KIF1B: variants seen among roughly 807,000 people sequenced by gnomAD.
KIF1B encodes kinesin-like protein KIF1B.
A neutral mutation model predicts 241.9 loss-of-function variants in KIF1B; 76 were observed. That is an observed-to-expected ratio of 0.31 (90% CI 0.26 to 0.38). The LOEUF (loss-of-function observed/expected upper bound fraction) is 0.38. Among genes scored for constraint, KIF1B ranks in the 10% least tolerant of loss-of-function variants. The pLI, the probability that KIF1B is intolerant of heterozygous loss-of-function variation, is 1.00. For missense variants in KIF1B, 1,622 were observed against 2,271.4 expected (o/e 0.71, Z 5.81); for synonymous variants, 750 against 796.7 (o/e 0.94, Z 0.99).
chr1:10,378,309 A>G lies in KIF1B; in HGVS notation c.*1722A>G, dbSNP rs1054248038. ...TGCCCAGGGAGAAAGGAGGAAGCTC[A>G]CTGTGGACAGTCTTCTTTCCTTCTG... On this transcript the variant is annotated 3_prime_UTR_variant, in exon 49 of 49. Coordinates refer to ENST00000676179, the MANE Select transcript of KIF1B (RefSeq NM_001365951.3). 2.8e-6 allele frequency: 2 copies of G among 717,812 alleles called. No homozygotes were observed. Among genetic ancestry groups the G allele is most frequent in the African/African-American group, 1.7e-5 (1 of 57,362 alleles). The allele number at this position is 717,812 out of a possible 1,614,324, so 44.5% of individuals were successfully genotyped here.
At chr1:10,220,204 C>CAAA (rs36083785) in intron 1 of KIF1B, among the ~76,000 whole-genome samples, 7 of 105,774 alleles carry the variant, frequency 6.6e-5, no homozygotes, top group Admixed American at 1.0e-4. Flanking sequence ...AACTCCGTCT[C>CAAA]AAAAAAAAAA....
At chr1:10,336,870 T>C (rs1652199691) in intron 29 of KIF1B, 128 bp downstream of exon 29, 3 of 1,079,276 alleles carry the variant, frequency 2.8e-6, no homozygotes, top group Non-Finnish European at 4.3e-6. Flanking sequence ...CAATAGAATA[T>C]GGGACATGTC....
chr1:10,375,169 G>T, intron 47 of KIF1B, 86 bp from the exon 48 acceptor site: 1 of 1,460,886 alleles, frequency 6.8e-7, no homozygotes, highest in Non-Finnish European at 9.6e-7. Flanking sequence ...CCTTTGTGAA[G>T]TGCTATATGC....
chr1:10,366,186 G>A (rs989746847), intron 43 of KIF1B, among the ~76,000 whole-genome samples: 1 of 152,072 alleles, frequency 6.6e-6, no homozygotes. Context: ...AGCCGAGATA[G>A]CTCCACTGTG....
rs762154750 is a variant in KIF1B, at chr1:10,303,830, T to G, written c.2115+6584T>G. ...GCAAAGGAGCCTGTTGGTGCTGGTG[T>G]TAGTAGCACCTCTGAGAATAATGTA... On this transcript the variant is annotated intron_variant, in intron 22 of 48. Coordinates refer to ENST00000676179, the MANE Select transcript of KIF1B (RefSeq NM_001365951.3). The surrounding 1 kb of genome is among the most constrained non-coding windows in gnomAD (Gnocchi z 5.2). The G allele has an allele frequency of 6.2e-7, 1 of 1,613,976 alleles. No homozygotes were observed. Among genetic ancestry groups the G allele is most frequent in the African/African-American group, 1.3e-5 (1 of 74,892 alleles).
chr1:10,309,972 C>A (rs961772280), intron 22 of KIF1B, among the ~76,000 whole-genome samples: 4 of 151,420 alleles, frequency 2.6e-5, no homozygotes, highest in African/African-American at 9.8e-5. Context: ...GAGCCCATTT[C>A]CATCATGCTT....
intron 27 of KIF1B, among the ~76,000 whole-genome samples, chr1:10,329,364 A>G (rs1651836059): frequency 2.0e-5 from 3 of 152,184 alleles, no homozygotes; most frequent in African/African-American, 7.2e-5. Flanking sequence ...GAAAGTAACT[A>G]CTTTCCTGTT....
chr1:10,226,397 T>C (rs1646909019), intron 1 of KIF1B, among the ~76,000 whole-genome samples: 4 of 152,278 alleles, frequency 2.6e-5, no homozygotes, highest in Admixed American at 2.0e-4. Flanking sequence ...ATTAGAGATG[T>C]TAATGTTTTG....
chr1:10,275,521 G>A lies in KIF1B; in HGVS notation c.958+18G>A, dbSNP rs1649052599. On this transcript the variant is annotated intron_variant, in intron 11 of 48. Transcript: ENST00000676179. ...AAATTTAGGTATGTTGACCACTAGT[G>A]AAAAGTAGTTATCTTTTTAACTTTG... 2 of 1,323,494 alleles carry A rather than the reference G, an allele frequency of 1.5e-6. No homozygotes were observed. The highest frequency in any genetic ancestry group is 2.2e-6 in the Non-Finnish European group (2 of 915,186). 82.0% of individuals were successfully genotyped at this position (1,323,494 alleles called of 1,614,324 possible).
chr1:10,348,763 A>C, intron 37 of KIF1B, 30 bp downstream of exon 37: 1 of 1,562,096 alleles, frequency 6.4e-7, no homozygotes, highest in Non-Finnish European at 8.8e-7. Flanking sequence ...CAAGGATAGA[A>C]CCAGGACTTA....
At chr1:10,342,222 C>T (rs1335282844) in intron 33 of KIF1B, 54 bp downstream of exon 33, 5 of 1,095,902 alleles carry the variant, frequency 4.6e-6, no homozygotes, top group Non-Finnish European at 7.1e-6. Flanking sequence ...TTTTTAGTTT[C>T]TCAATTGCTG....
intron 28 of KIF1B, among the ~76,000 whole-genome samples, chr1:10,336,232 T>A (rs1652170810): frequency 1.3e-5 from 2 of 152,204 alleles, no homozygotes; most frequent in African/African-American, 4.8e-5. Context: ...CACTGCAACC[T>A]CCGCCTCCCG....
chr1:10,320,262 TGAGCCAGTTTACA>T (rs1378078793), intron 23 of KIF1B, 126 bp downstream of exon 23: 18 of 663,916 alleles, frequency 2.7e-5, no homozygotes, highest in Admixed American at 8.3e-5. Flanking sequence ...GACATTTTAC[TGAGCCAGTTTACA>T]GATGATTGAA....
Position 10,379,410 on chromosome 1 carries a change from C to T in KIF1B, c.*2823C>T. 1 of 231,536 alleles carries T rather than the reference C, an allele frequency of 4.3e-6. No homozygotes were observed. The highest frequency in any genetic ancestry group is 8.6e-6 in the Non-Finnish European group (1 of 116,710). The allele number at this position is 231,536 out of a possible 1,614,324, so 14.3% of individuals were successfully genotyped here. On this transcript the variant is annotated 3_prime_UTR_variant, in exon 49 of 49. Transcript: ENST00000676179. ...CGTGCTCTTCACCCTCTGGGGCGCC[C>T]CTGCTGCGGCTGGCAGGTGCAGACA...
intron 1 of KIF1B, among the ~76,000 whole-genome samples, chr1:10,212,884 GTGTGTGTA>G (rs1646711636): frequency 1.4e-5 from 1 of 72,310 alleles, no homozygotes; most frequent in African/African-American, 5.6e-5. Context: ...GTGTGCATGC[GTGTGTGTA>G]TATATATATA....
intron 40 of KIF1B, among the ~76,000 whole-genome samples, chr1:10,362,456 A>G (rs186073891): frequency 1.3e-5 from 2 of 151,836 alleles, no homozygotes; most frequent in African/African-American, 4.8e-5. Flanking sequence ...AGCCTGGGTG[A>G]AACAGTGAGA....
At chr1:10,212,681 C>A (rs976287184) in intron 1 of KIF1B, among the ~76,000 whole-genome samples, 2 of 151,652 alleles carry the variant, frequency 1.3e-5, no homozygotes, top group Admixed American at 1.3e-4. Context: ...CTCAGGAGTT[C>A]GAGACCACCC....
At chr1:10,233,669 A>T (rs995287190) in intron 2 of KIF1B, among the ~76,000 whole-genome samples, 8 of 151,950 alleles carry the variant, frequency 5.3e-5, no homozygotes, top group African/African-American at 1.9e-4. Context: ...AATACTTTAA[A>T]TCGGTGAACT....
chr1:10,364,497 C>T (rs570590075), intron 41 of KIF1B, among the ~76,000 whole-genome samples: 1 of 140,052 alleles, frequency 7.1e-6, no homozygotes, highest in East Asian at 2.2e-4. Flanking sequence ...AGCCATCACG[C>T]CCGGCCCCAT....
Sources: gnomAD v4.1 joint callset for allele counts (sites outside exome capture counted in the v4.1 genomes callset) on GRCh38, gnomAD v4.1.1 for gene constraint, Gnocchi (gnomAD v3.1) non-coding constraint, MANE v1.5 for transcripts, NCBI Gene and HGNC (gene_info 2026-07-23, HGNC 2026-07-21) for gene names.